The following ITPRID1 variants were observed in gnomAD, a reference collection of about 807,000 sequenced individuals.
ITPRID1 encodes ITPR interacting domain containing 1, also known as protein ITPRID1.
A neutral mutation model predicts 95.4 loss-of-function variants in ITPRID1; 96 were observed. The observed-to-expected ratio is 1.01, with a 90% CI of 0.85 to 1.19. ITPRID1 has a LOEUF of 1.19. Among genes scored for constraint, ITPRID1 ranks in the 50% most tolerant of loss-of-function variants. The probability of loss-of-function intolerance (pLI) is 0.00; values close to 1 mark genes in which losing one functional copy is unlikely to be tolerated. For missense variants in ITPRID1, 1,339 were observed against 1,252.9 expected (o/e 1.07, Z -1.04); for synonymous variants, 510 against 453.6 (o/e 1.12, Z -1.58).
chr7:31,645,070 A>T (rs947517294), intron 12 of ITPRID1, among the ~76,000 whole-genome samples: 1 of 152,224 alleles, frequency 6.6e-6, no homozygotes, highest in Non-Finnish European at 1.5e-5. Flanking sequence ...GGAAACTAGA[A>T]CTGAGAGAGT....
chr7:31,559,539 C>T (rs1784559680), intron 5 of ITPRID1, among the ~76,000 whole-genome samples: 1 of 152,118 alleles, frequency 6.6e-6, no homozygotes, highest in Admixed American at 6.5e-5. Flanking sequence ...GTGGTGCACA[C>T]CCGTAGTCCC....
chr7:31,521,853 T>G (rs1255885430), intron 1 of ITPRID1, among the ~76,000 whole-genome samples: 1 of 151,030 alleles, frequency 6.6e-6, no homozygotes, highest in Non-Finnish European at 1.5e-5. Context: ...CCCCCACCAC[T>G]TACCCGAGTA....
At chr7:31,579,093 T>C (rs1785303492) in intron 9 of ITPRID1, among the ~76,000 whole-genome samples, 1 of 152,212 alleles carries the variant, frequency 6.6e-6, no homozygotes, top group African/African-American at 2.4e-5. Context: ...ACACATGTTC[T>C]TTGCTCCTCC....
At chr7:31,585,850 T>C (rs1038616639) in intron 10 of ITPRID1, among the ~76,000 whole-genome samples, 1 of 152,088 alleles carries the variant, frequency 6.6e-6, no homozygotes. Flanking sequence ...TTTTTATTAT[T>C]ATTATACTTT....
At chr7:31,520,546 TGTGTGTGTGTGTGTGTGTGAGA>T (rs1260142602) in intron 1 of ITPRID1, among the ~76,000 whole-genome samples, 59 of 75,262 alleles carry the variant, frequency 7.8e-4, no homozygotes, top group African/African-American at 4.1e-3. Flanking sequence ...TGTGTGTGTG[TGTGTGTGTGTGTGTGTGTGAGA>T]GAGAGAGAGA....
At chr7:31,641,569 A>G (rs1256481825) in intron 10 of ITPRID1, among the ~76,000 whole-genome samples, 3 of 152,224 alleles carry the variant, frequency 2.0e-5, no homozygotes, top group Non-Finnish European at 4.4e-5. Flanking sequence ...TTACGTAAGA[A>G]TCTACAGATA....
intron 1 of ITPRID1, among the ~76,000 whole-genome samples, chr7:31,525,366 C>T (rs932309915): frequency 6.6e-6 from 1 of 152,176 alleles, no homozygotes; most frequent in African/African-American, 2.4e-5. Context: ...GGGCTACATC[C>T]TTGGCCTCTA....
intron 14 of ITPRID1, 72 bp from the exon 15 acceptor site, chr7:31,652,446 A>G: frequency 6.7e-7 from 1 of 1,499,294 alleles, no homozygotes; most frequent in Non-Finnish European, 8.9e-7. Context: ...TGCCTAGCTC[A>G]CAAGTTTGAG....
intron 10 of ITPRID1, among the ~76,000 whole-genome samples, chr7:31,621,195 C>G (rs1401792496): frequency 2.0e-5 from 3 of 152,060 alleles, no homozygotes; most frequent in Admixed American, 6.6e-5. Flanking sequence ...AGGATATTAT[C>G]CAGGAGAACT....
chr7:31,539,444 T>C (rs1208037001), intron 1 of ITPRID1, among the ~76,000 whole-genome samples: 2 of 152,150 alleles, frequency 1.3e-5, no homozygotes, highest in Admixed American at 6.6e-5. Flanking sequence ...CCTCCCACAG[T>C]GCTGGCATTA....
At chr7:31,647,877 T>C (rs1326150916) in intron 12 of ITPRID1, among the ~76,000 whole-genome samples, 1 of 152,098 alleles carries the variant, frequency 6.6e-6, no homozygotes, top group Non-Finnish European at 1.5e-5. Context: ...TAAATGCCAT[T>C]TTTGTGGCCT....
intron 10 of ITPRID1, among the ~76,000 whole-genome samples, chr7:31,619,311 T>G (rs1215330259): frequency 1.3e-5 from 2 of 152,154 alleles, no homozygotes; most frequent in Non-Finnish European, 2.9e-5. Flanking sequence ...GTCCATAAAG[T>G]TAGTGATTTA....
chr7:31,540,350 C>T (rs1423566041), intron 1 of ITPRID1, among the ~76,000 whole-genome samples: 5 of 152,130 alleles, frequency 3.3e-5, no homozygotes, highest in Admixed American at 6.5e-5. Flanking sequence ...AGAGGCAGCG[C>T]CTGCTGAAAC....
chr7:31,643,366 C>T lies in ITPRID1; in HGVS notation c.1996C>T (p.His666Tyr). 2 of 1,613,990 alleles carry T rather than the reference C, an allele frequency of 1.2e-6. No individual in the cohort carries two copies. Among genetic ancestry groups the T allele is most frequent in the Non-Finnish European group, 1.7e-6 (2 of 1,179,886 alleles). ...TCAAACATCTGAAAAGCTCATTCCC[C>T]ACCTCCATAAACTGCCTGGAGATCC... ...LAQTSEKLIPHLHKLPGDPAQ... is the reference protein window; with the variant it reads ...LAQTSEKLIPYLHKLPGDPAQ... The change falls in exon 12 of 15, where the codon CAC becomes TAC. Residue 666 changes from histidine to tyrosine, a missense_variant. By Grantham distance (83) the His-to-Tyr change is moderately conservative (BLOSUM62 2). Coordinates refer to ENST00000615280, the MANE Select transcript of ITPRID1 (RefSeq NM_001257967.3).
At chr7:31,517,354 C>T (rs1023680318) in intron 1 of ITPRID1, 1 of 152,434 alleles carries the variant, frequency 6.6e-6, no homozygotes, top group African/African-American at 2.4e-5. Context: ...GAAAAGTTCT[C>T]CAAGTCCCCA....
At chr7:31,652,155 A>G in intron 14 of ITPRID1, 105 bp downstream of exon 14, 2 of 872,764 alleles carry the variant, frequency 2.3e-6, no homozygotes, top group South Asian at 1.6e-5. Context: ...CTAGGTTTAC[A>G]TGCCAACACC....
chr7:31,651,361 G>A, intron 13 of ITPRID1, 92 bp downstream of exon 13: 2 of 1,421,310 alleles, frequency 1.4e-6, no homozygotes, highest in Non-Finnish European at 1.9e-6. Flanking sequence ...GCACCCTGGA[G>A]CAGAGCTAAT....
chr7:31,624,860 C>T (rs1233186523), intron 10 of ITPRID1, among the ~76,000 whole-genome samples: 58 of 152,240 alleles, frequency 3.8e-4, no homozygotes, highest in Non-Finnish European at 6.8e-4. Flanking sequence ...AAAAAATTTT[C>T]GCAACCTATT....
rs554042883 is a variant in ITPRID1 at position 31,619,900 on chromosome 7, A to T, written c.1229-22276A>T. ...GCACCTGGAAAATCGGGTCACTCCC[A>T]CCCAAATACTGCGCTTTTCCGACGG... On this transcript the variant is annotated intron_variant, in intron 10 of 14. Coordinates refer to ENST00000615280, the MANE Select transcript of ITPRID1 (RefSeq NM_001257967.3). Among the ~76,000 whole-genome samples, 682 of 152,286 alleles carry T rather than the reference A, an allele frequency of 4.5e-3. 5 individuals carry two copies. The highest frequency in any genetic ancestry group is 0.016 in the African/African-American group (654 of 41,576).
Sources: gnomAD v4.1 joint callset for allele counts (sites outside exome capture counted in the v4.1 genomes callset) on GRCh38, gnomAD v4.1.1 for gene constraint, MANE v1.5 for transcripts, NCBI Gene and HGNC (gene_info 2026-07-23, HGNC 2026-07-21) for gene names.